Variants in HSDL2 observed in about 807,000 individuals in gnomAD.
HSDL2 encodes the protein hydroxysteroid dehydrogenase-like protein 2.
A neutral mutation model predicts 46.3 loss-of-function variants in HSDL2; 27 were observed. The observed-to-expected ratio is 0.58, with a 90% CI of 0.43 to 0.80. The LOEUF is 0.80. Ranked by LOEUF, HSDL2 falls within the 30% of genes least tolerant of loss-of-function variation. The probability of loss-of-function intolerance (pLI) is 0.00; values close to 1 mark genes in which losing one functional copy is unlikely to be tolerated. For missense variants in HSDL2, 451 were observed against 502.7 expected (o/e 0.90, Z 0.98); for synonymous variants, 153 against 163.6 (o/e 0.94, Z 0.50).
At chr9:112,418,173 A>G (rs1309777378) in intron 5 of HSDL2, among the ~76,000 whole-genome samples, 9 of 45,844 alleles carry the variant, frequency 2.0e-4, no homozygotes, top group Non-Finnish European at 5.2e-4. Context: ...TTAATCAAAT[A>G]TTAGGAGGGA....
chr9:112,440,873 T>C (rs2132673581), intron 7 of HSDL2, among the ~76,000 whole-genome samples: 1 of 152,232 alleles, frequency 6.6e-6, no homozygotes, highest in South Asian at 2.1e-4. Flanking sequence ...CCAGGCATAG[T>C]GATGGGCACC....
At chr9:112,398,650 G>A (rs1831517154) in intron 1 of HSDL2, among the ~76,000 whole-genome samples, 1 of 152,034 alleles carries the variant, frequency 6.6e-6, no homozygotes, top group Non-Finnish European at 1.5e-5. Flanking sequence ...TGTGGTAACT[G>A]CAGGGGGTTA....
chr9:112,436,960 C>CTTTTT lies in HSDL2; in HGVS notation c.599-1458_599-1454dup, dbSNP rs780957603. 8.2e-3 allele frequency among the ~76,000 whole-genome samples: 1,045 copies of CTTTTT among 126,752 alleles called. 20 individuals are homozygous for CTTTTT. The highest frequency in any genetic ancestry group is 0.042 in the East Asian group (189 of 4,478). The allele number at this position is 126,752 out of a possible 152,430, so 83.2% of individuals were successfully genotyped here. The stretch of plus-strand genomic sequence containing the variant: ...TTACTTCTCTTTCTTTTCTTTTTTT[C>CTTTTT]TTTTTTTTTTTTTTTTTGAGACGGA... On this transcript the variant is annotated intron_variant, in intron 6 of 10. Transcript: ENST00000398805.
chr9:112,384,275 C>G (rs772190443), intron 1 of HSDL2, among the ~76,000 whole-genome samples: 4 of 152,168 alleles, frequency 2.6e-5, no homozygotes, highest in Non-Finnish European at 4.4e-5. Flanking sequence ...AGCCATCTAT[C>G]AATAATACTA....
intron 1 of HSDL2, among the ~76,000 whole-genome samples, chr9:112,400,863 C>A (rs1389612601): frequency 6.6e-6 from 1 of 152,196 alleles, no homozygotes; most frequent in Non-Finnish European, 1.5e-5. Flanking sequence ...TTTACATAGT[C>A]TTCCTTCTTC....
chr9:112,407,808 T>C (rs1032803667), intron 3 of HSDL2, among the ~76,000 whole-genome samples: 1 of 152,214 alleles, frequency 6.6e-6, no homozygotes, highest in Admixed American at 6.5e-5. Flanking sequence ...TTCAGTGACA[T>C]TGAAGTTTAT....
intron 1 of HSDL2, among the ~76,000 whole-genome samples, chr9:112,385,495 A>AT (rs60858988): frequency 0.72 from 94,093 of 130,718 alleles, 33,694 homozygotes; most frequent in South Asian, 0.81. Flanking sequence ...CACCTGGCTA[A>AT]TTTTTTTTTT....
At chr9:112,400,432 C>T (rs1256542390) in intron 1 of HSDL2, among the ~76,000 whole-genome samples, 3 of 152,210 alleles carry the variant, frequency 2.0e-5, no homozygotes, top group Admixed American at 6.5e-5. Flanking sequence ...CATGGTGAAA[C>T]CCCATCTCTA....
At chr9:112,435,937 A>G (rs1159687437) in intron 6 of HSDL2, among the ~76,000 whole-genome samples, 1 of 151,810 alleles carries the variant, frequency 6.6e-6, no homozygotes, top group East Asian at 1.9e-4. Context: ...TCAGTTCAAG[A>G]GTGAGACCAG....
At chr9:112,469,964 A>G (rs1833523647) in intron 10 of HSDL2, 1 of 152,358 alleles carries the variant, frequency 6.6e-6, no homozygotes, top group African/African-American at 2.4e-5. Flanking sequence ...TTCTGTGGTT[A>G]AAGTAATGCT....
intron 6 of HSDL2, among the ~76,000 whole-genome samples, chr9:112,423,578 G>C (rs1832175548): frequency 6.6e-6 from 1 of 151,972 alleles, no homozygotes; most frequent in Non-Finnish European, 1.5e-5. Flanking sequence ...CAAAGTGCTG[G>C]GATTACAGGT....
chr9:112,390,242 T>C (rs1831311874), intron 1 of HSDL2, among the ~76,000 whole-genome samples: 1 of 152,058 alleles, frequency 6.6e-6, no homozygotes, highest in African/African-American at 2.4e-5. Flanking sequence ...AGTGTGATCA[T>C]GTAGATTAGT....
At chr9:112,400,740 C>T (rs1260799542) in intron 1 of HSDL2, among the ~76,000 whole-genome samples, 2 of 152,236 alleles carry the variant, frequency 1.3e-5, no homozygotes, top group African/African-American at 2.4e-5. Context: ...TAGAATCCTT[C>T]CTTGCTTCTT....
chr9:112,467,676 T>C (rs1833431656), intron 10 of HSDL2, among the ~76,000 whole-genome samples: 1 of 152,176 alleles, frequency 6.6e-6, no homozygotes, highest in Non-Finnish European at 1.5e-5. Flanking sequence ...AGATATGAAG[T>C]TTGTGGGGAA....
intron 10 of HSDL2, among the ~76,000 whole-genome samples, chr9:112,467,778 G>C (rs1411679): frequency 0.96 from 145,427 of 152,246 alleles, 69,519 homozygotes; most frequent in African/African-American, 0.98. Context: ...AAATGTATCA[G>C]CTTGTGTCAG....
At chr9:112,456,264 T>C (rs1440002844) in intron 9 of HSDL2, among the ~76,000 whole-genome samples, 1 of 152,174 alleles carries the variant, frequency 6.6e-6, no homozygotes, top group Non-Finnish European at 1.5e-5. Context: ...CCAGACTTAT[T>C]TTCATCTACA....
chr9:112,431,555 G>A (rs1832402562), intron 6 of HSDL2, among the ~76,000 whole-genome samples: 1 of 152,184 alleles, frequency 6.6e-6, no homozygotes, highest in African/African-American at 2.4e-5. Flanking sequence ...AGTGTTGGAG[G>A]TGGGGTCTGG....
intron 6 of HSDL2, among the ~76,000 whole-genome samples, chr9:112,436,943 CTT>C (rs1832537079): frequency 6.9e-6 from 1 of 144,526 alleles, no homozygotes; most frequent in Non-Finnish European, 1.5e-5. Context: ...TTTTACTTCT[CTT>C]TCTTTTCTTT....
intron 1 of HSDL2, among the ~76,000 whole-genome samples, chr9:112,386,425 T>G (rs1433384468): frequency 4.6e-5 from 7 of 152,130 alleles, no homozygotes; most frequent in African/African-American, 1.7e-4. Context: ...AAATAATGTA[T>G]AACTGAATTA....
Sources: gnomAD v4.1 joint callset for allele counts (sites outside exome capture counted in the v4.1 genomes callset) on GRCh38, gnomAD v4.1.1 for gene constraint, MANE v1.5 for transcripts, NCBI Gene and HGNC (gene_info 2026-07-23, HGNC 2026-07-21) for gene names.